The following CDHR2 variants were observed in gnomAD, a reference collection of about 807,000 sequenced individuals.
The protein encoded by CDHR2 is cadherin related family member 2, also known as cadherin-related family member 2.
In CDHR2, 104 loss-of-function variants were observed where a neutral mutation model predicts 138.6. The observed-to-expected ratio is 0.75, with a 90% CI of 0.64 to 0.88. The LOEUF is 0.88. CDHR2 is among the 40% of genes least tolerant of loss of function. CDHR2 has a pLI of 0.00. For missense variants in CDHR2, 1,624 were observed against 1,727.6 expected, an observed-to-expected ratio of 0.94 and a Z score of 1.06; for synonymous variants, 755 against 742.8, an observed-to-expected ratio of 1.02 and a Z score of -0.27.
At position 176,577,787 on chromosome 5, in the gene CDHR2, G is replaced by C. The variant is rs374465389; in HGVS notation, c.1501G>C (p.Asp501His). 3.1e-6 allele frequency: 5 copies of C among 1,613,930 alleles called. No individual in the cohort carries two copies. The African/African-American group carries it at 6.7e-5, about 22-fold the overall frequency. ...EHSATGSVVT[D>H]SIHATDPDTG... ...CAGCGCCACCGGCTCTGTGGTCACC[G>C]ACAGCATCCACGTGAGTGATGTGGA... Residue 501 changes from aspartate to histidine, a missense_variant, in exon 14 of 32, where the codon GAC (aspartate) becomes CAC (histidine). Physicochemically the swap from Asp to His is moderately conservative, Grantham distance 81. Transcript: ENST00000261944.
chr5:176,565,387 C>G lies in CDHR2; in HGVS notation c.35C>G (p.Pro12Arg), dbSNP rs747970295. The change falls in exon 2 of 32, where the codon CCT becomes CGT. Residue 12 changes from proline to arginine, a missense_variant. Transcript: ENST00000261944. The part of the protein sequence containing the change: ...AQLWLSCFLL[P>R]ALVVSVAANV... Reference sequence around the variant, plus strand: ...CTATGGCTGTCCTGCTTCCTCCTTCCTGCCCTCGTGGTGTCTGGTAGGTGT... The same window carrying G: ...CTATGGCTGTCCTGCTTCCTCCTTCGTGCCCTCGTGGTGTCTGGTAGGTGT... The G allele has an allele frequency of 1.9e-6, 3 of 1,614,130 alleles. No homozygotes were observed. The highest frequency in any genetic ancestry group is 2.5e-6 in the Non-Finnish European group (3 of 1,180,006).
At position 176,595,758 on chromosome 5, in the gene CDHR2, C is replaced by T. The variant is rs752206361; in HGVS notation, c.*86C>T. 2.0e-4 allele frequency: 262 copies of T among 1,290,390 alleles called. No homozygotes were observed. Among genetic ancestry groups the T allele is most frequent in the Non-Finnish European group, 2.6e-4 (251 of 966,158 alleles). 79.9% of individuals were successfully genotyped at this position (1,290,390 alleles called of 1,614,324 possible). A position where few individuals can be genotyped will look rare whatever the true frequency, so the allele number is the denominator to read the frequency against. On this transcript the variant is annotated 3_prime_UTR_variant, in exon 32 of 32. Transcript: ENST00000261944. Reference sequence around the variant, plus strand: ...TCTCCCTGGAGATGAAAATATATGACGCTGCCCTGCCTCCTGCTTTTGGCC... The same window carrying T: ...TCTCCCTGGAGATGAAAATATATGATGCTGCCCTGCCTCCTGCTTTTGGCC...
intron 1 of CDHR2, among the ~76,000 whole-genome samples, chr5:176,558,625 T>C (rs1016517298): frequency 4.6e-5 from 7 of 152,122 alleles, no homozygotes; most frequent in African/African-American, 1.7e-4. Flanking sequence ...CCTCAGGCGA[T>C]CCACCCACCT....
At chr5:176,573,458 G>A (rs1581139796) in intron 6 of CDHR2, among the ~76,000 whole-genome samples, 2 of 151,428 alleles carry the variant, frequency 1.3e-5, no homozygotes, top group South Asian at 2.1e-4. Context: ...TGGCCAACAC[G>A]GTGAAACCCT....
intron 28 of CDHR2, 31 bp downstream of exon 28, chr5:176,590,718 CCTT>C: frequency 1.9e-6 from 3 of 1,611,912 alleles, no homozygotes; most frequent in Non-Finnish European, 2.5e-6. Flanking sequence ...GTGTCTCCAA[CCTT>C]CACCCTCTCC....
intron 5 of CDHR2, 23 bp from the exon 6 acceptor site, chr5:176,571,190 C>T: frequency 1.3e-6 from 2 of 1,556,520 alleles, no homozygotes; most frequent in Non-Finnish European, 1.8e-6. Flanking sequence ...TTTCTGGGGT[C>T]CCCTGGGCTT....
At chr5:176,580,297 G>A (rs957365323) in intron 16 of CDHR2, among the ~76,000 whole-genome samples, 2 of 152,150 alleles carry the variant, frequency 1.3e-5, no homozygotes, top group Admixed American at 1.3e-4. Flanking sequence ...GGGAGGCCGA[G>A]GTGGGTGGAT....
Position 176,543,585 on chromosome 5 carries a change from G to A in CDHR2, c.-16+816G>A, listed in dbSNP as rs1358637844. 6.6e-6 allele frequency: 1 copy of A among 152,256 alleles called. No homozygotes were observed. Among genetic ancestry groups the A allele is most frequent in the East Asian group, 1.9e-4 (1 of 5,176 alleles). The allele number at this position is 152,256 out of a possible 1,614,324, so 9.4% of individuals were successfully genotyped here. ...AGGGCGCGGCGCCTGGGGCCTGGCA[G>A]CCTCCGTGACCTTGGAGGAGTGACT... On this transcript the variant is annotated intron_variant, in intron 1 of 31. Coordinates refer to the CDHR2 transcript ENST00000510636. This position sits in a 1 kb window ranked among gnomAD's most constrained non-coding sequence, Gnocchi z 4.0.
In CDHR2 at chr5:176,584,620, C is replaced by G. The variant is rs752765005; in HGVS notation, c.2339C>G (p.Ala780Gly). The G allele has an allele frequency of 4.4e-6, 7 of 1,607,984 alleles. No homozygotes were observed. The highest frequency in any genetic ancestry group is 1.7e-5 in the Admixed American group (1 of 59,818). Residue 780 changes from alanine (A) to glycine (G), a missense_variant, in exon 19 of 32, where the codon GCT becomes GGT. Physicochemically the swap from Ala to Gly is moderately conservative, Grantham distance 60 (BLOSUM62 0). This residue lies in a region of CDHR2 where 1,061 missense variants were observed against 1,136.6 expected (regional missense o/e 0.93). Coordinates refer to ENST00000261944, the MANE Select transcript of CDHR2 (RefSeq NM_017675.6). ...CCCGTCTTCAACTTGACAGTGAGTG[C>G]TGAGAACCCAGACCCCCAGGGGGGT... ...TQPVFNLTVS[A>G]ENPDPQGGET...
At chr5:176,542,776 A>C (rs1357794946) in intron 1 of CDHR2, 3 of 152,266 alleles carry the variant, frequency 2.0e-5, no homozygotes, top group Non-Finnish European at 4.4e-5. Context: ...TGCAGTAAGG[A>C]CGGCGCTGAA....
chr5:176,587,771 G>A (rs377427320), intron 21 of CDHR2, among the ~76,000 whole-genome samples: 2 of 152,316 alleles, frequency 1.3e-5, no homozygotes, highest in South Asian at 2.1e-4. Flanking sequence ...TTAGAGCCGA[G>A]TGTAAGGACA....
chr5:176,555,980 T>C (rs530669112), intron 1 of CDHR2, among the ~76,000 whole-genome samples: 1 of 152,322 alleles, frequency 6.6e-6, no homozygotes, highest in Non-Finnish European at 1.5e-5. Flanking sequence ...ATCCTTCCTG[T>C]GTCTCATAGG....
intron 1 of CDHR2, among the ~76,000 whole-genome samples, chr5:176,551,207 G>A (rs1235016948): frequency 4.6e-5 from 7 of 151,752 alleles, no homozygotes; most frequent in African/African-American, 7.3e-5. Flanking sequence ...CTTGCTTGTC[G>A]CCCAGGCTCC....
rs1349848005 is a variant in CDHR2, at chr5:176,574,041, GA to G, written c.406-41del. ...GGCAGTGACGGACAAGGGAGAGGAG[GA>G]GCTGGATTTGAGCTCATAGGTGACG... On this transcript the variant is annotated intron_variant, in intron 6 of 31. Coordinates refer to ENST00000261944, the MANE Select transcript of CDHR2 (RefSeq NM_017675.6). The G allele has an allele frequency of 3.4e-6, 5 of 1,454,856 alleles. No individual in the cohort carries two copies. In the East Asian group the frequency reaches 1.1e-4, roughly 33 times the overall value. 90.1% of individuals were successfully genotyped at this position (1,454,856 alleles called of 1,614,324 possible).
rs535449277 is a variant in CDHR2, at chr5:176,568,838, A to C, written c.264+21A>C. ...ACGAGGTAAAGAGCATCAGCCGGAG[A>C]GGGCACGGGACGCGGAGGGGGTGCT... On this transcript the variant is annotated intron_variant, in intron 4 of 31. Transcript: ENST00000261944. 5.6e-6 allele frequency: 9 copies of C among 1,613,628 alleles called. No homozygotes were observed. In the South Asian group the frequency reaches 9.9e-5, roughly 18 times the overall value.
At chr5:176,559,880 G>A (rs902736048) in intron 1 of CDHR2, among the ~76,000 whole-genome samples, 1 of 152,124 alleles carries the variant, frequency 6.6e-6, no homozygotes, top group South Asian at 2.1e-4. Context: ...GCATCTAGTG[G>A]GTAGAGGACA....
upstream of CDHR2, among the ~76,000 whole-genome samples, chr5:176,547,150 T>G (rs58112203): frequency 1.4e-3 from 206 of 152,296 alleles, no homozygotes; most frequent in African/African-American, 4.6e-3. Context: ...AGCTATTTTT[T>G]GTATTTTTAG....
chr5:176,556,404 C>G (rs1184849878), intron 1 of CDHR2, among the ~76,000 whole-genome samples: 1 of 152,148 alleles, frequency 6.6e-6, no homozygotes, highest in African/African-American at 2.4e-5. Context: ...CGGTGGCTCA[C>G]GCCTGTAATC....
At chr5:176,569,232 G>A (rs1216945179) in intron 5 of CDHR2, among the ~76,000 whole-genome samples, 1 of 151,216 alleles carries the variant, frequency 6.6e-6, no homozygotes, top group East Asian at 1.9e-4. Context: ...TATCATATGA[G>A]GGCTTTTTTG....
Sources: allele counts gnomAD v4.1 joint callset (sites outside exome capture counted in the v4.1 genomes callset), GRCh38; gene constraint gnomAD v4.1.1; regional missense constraint gnomAD v4.1.1; non-coding constraint Gnocchi (gnomAD v3.1); transcripts MANE v1.5; gene names NCBI Gene and HGNC (gene_info 2026-07-23, HGNC 2026-07-21).